Variants in PTS observed in about 807,000 individuals in gnomAD.
PTS encodes the protein 6-pyruvoyl tetrahydrobiopterin synthase.
A neutral mutation model predicts 20.6 loss-of-function variants in PTS; 23 were observed. The ratio of observed to expected loss-of-function variants is 1.12; its 90% CI spans 0.80 to 1.58. The LOEUF is 1.58. PTS is among the 40% of genes most tolerant of loss of function. PTS has a pLI of 0.00. For missense variants in PTS, 186 were observed against 182.4 expected (o/e 1.02, Z -0.11); for synonymous variants, 65 against 62.5 (o/e 1.04, Z -0.19).
At chr11:112,227,908 A>G (rs1259297930) in intron 1 of PTS, among the ~76,000 whole-genome samples, 3 of 152,236 alleles carry the variant, frequency 2.0e-5, no homozygotes, top group Non-Finnish European at 4.4e-5. Context: ...TTGTATAATA[A>G]GCTTAAACAC....
At position 112,230,618 on chromosome 11, in the gene PTS, T is replaced by C; in HGVS notation, c.187-8T>C. 12 of 1,603,498 alleles carry C rather than the reference T, an allele frequency of 7.5e-6. No individual in the cohort carries two copies. Among genetic ancestry groups the C allele is most frequent in the Non-Finnish European group, 9.4e-6 (11 of 1,170,324 alleles). ...TCACAGTAATATTCACCTTTGTTTA[T>C]TCTTTAGATTGACCCTGCTACGGGA... On this transcript the variant is annotated splice_polypyrimidine_tract_variant and splice_region_variant and intron_variant, in intron 3 of 5. Transcript: ENST00000280362.
At chr11:112,228,716 GAA>G (rs769124108) in intron 2 of PTS, 43 bp downstream of exon 2, 4 of 1,529,728 alleles carry the variant, frequency 2.6e-6, no homozygotes, top group Non-Finnish European at 3.6e-6. Flanking sequence ...CAATAAGGAT[GAA>G]AGAGTATTCA....
At chr11:112,232,798 T>A (rs958347207) in intron 4 of PTS, among the ~76,000 whole-genome samples, 9 of 152,196 alleles carry the variant, frequency 5.9e-5, no homozygotes, top group Non-Finnish European at 4.4e-5. Context: ...CATTGTTCCG[T>A]AGGTGTGACA....
In PTS at chr11:112,226,529, A is replaced by G; in HGVS notation, c.83+3A>G. ...AGCGCGAGCCACCGATTGTACAGGT[A>G]GGGTGTGCACACAGGTACAGCGGCG... is the stretch of plus-strand genomic sequence containing the variant. On this transcript the variant is annotated splice_donor_region_variant and intron_variant, in intron 1 of 5. Transcript: ENST00000280362. 2 of 1,580,982 alleles carry G rather than the reference A, an allele frequency of 1.3e-6. No individual in the cohort carries two copies. The highest frequency in any genetic ancestry group is 1.7e-6 in the Non-Finnish European group (2 of 1,165,732).
At chr11:112,227,855 C>G (rs971617947) in intron 1 of PTS, among the ~76,000 whole-genome samples, 1 of 97,242 alleles carries the variant, frequency 1.0e-5, no homozygotes, top group African/African-American at 3.0e-5. Flanking sequence ...AACATCCAAA[C>G]TACATTGGGG....
chr11:112,232,793 T>C (rs1407914950), intron 4 of PTS, among the ~76,000 whole-genome samples: 1 of 152,230 alleles, frequency 6.6e-6, no homozygotes, highest in Non-Finnish European at 1.5e-5. Flanking sequence ...TGTGGCATTG[T>C]TCCGTAGGTG....
At chr11:112,231,796 C>A (rs1434799544) in intron 4 of PTS, among the ~76,000 whole-genome samples, 1 of 133,788 alleles carries the variant, frequency 7.5e-6, no homozygotes, top group African/African-American at 2.8e-5. Context: ...GCACTATGCT[C>A]AAAATACTTT....
rs948341393 is a variant in PTS, at chr11:112,229,920, C to T, written c.164-288C>T. Among the ~76,000 whole-genome samples, 11 of 152,110 alleles carry T rather than the reference C, an allele frequency of 7.2e-5. 1 individual carries two copies. Among genetic ancestry groups the T allele is most frequent in the Admixed American group, 5.2e-4 (8 of 15,266 alleles). ...AGCAGCATCTTGATGCTCCCTAGTG[C>T]ATTAACATAAGCAGAATTTACACCC... On this transcript the variant is annotated intron_variant, in intron 2 of 5. Coordinates refer to ENST00000280362, the MANE Select transcript of PTS (RefSeq NM_000317.3).
intron 2 of PTS, 179 bp from the exon 3 acceptor site, chr11:112,230,028 TA>T (rs891207147): frequency 5.3e-3 from 3,098 of 583,856 alleles, no homozygotes; most frequent in Non-Finnish European, 6.3e-3. Flanking sequence ...CTTTGGTTGC[TA>T]AAAAAAAAAT....
chr11:112,231,712 C>T (rs986513313), intron 4 of PTS, among the ~76,000 whole-genome samples: 7 of 151,928 alleles, frequency 4.6e-5, no homozygotes, highest in African/African-American at 9.7e-5. Context: ...ATTACTTTTT[C>T]TAGGAGGTGA....
intron 1 of PTS, among the ~76,000 whole-genome samples, chr11:112,228,109 A>C (rs1319807179): frequency 6.6e-6 from 1 of 152,260 alleles, no homozygotes; most frequent in Admixed American, 6.5e-5. Flanking sequence ...GTATAAAGCA[A>C]GATTGCTAAA....
chr11:112,228,715 T>G, intron 2 of PTS, 42 bp downstream of exon 2: 1 of 1,529,594 alleles, frequency 6.5e-7, no homozygotes, highest in South Asian at 1.1e-5. Context: ...TCAATAAGGA[T>G]GAAAGAGTAT....
chr11:112,230,268 G>C (rs769489582), intron 3 of PTS, 38 bp downstream of exon 3: 1 of 1,601,656 alleles, frequency 6.2e-7, no homozygotes, highest in Non-Finnish European at 8.6e-7. Context: ...TTTGCAGATT[G>C]CTGGGCTCTC....
chr11:112,228,975 T>G, intron 2 of PTS: 1 of 327,100 alleles, frequency 3.1e-6, no homozygotes, highest in East Asian at 6.4e-5. Context: ...AGGCTAATGT[T>G]AAAATTAGAT....
intron 1 of PTS, chr11:112,228,282 A>T (rs1859890488): frequency 2.6e-6 from 1 of 381,506 alleles, no homozygotes; most frequent in East Asian, 5.3e-5. Flanking sequence ...CATTGTAGGC[A>T]CTCAGTAATG....
At position 112,233,613 on chromosome 11, in the gene PTS, G is replaced by T. The variant is rs1307423080; in HGVS notation, c.*58G>T. ...TCTTTCTGTGTTTGAAAAAGATTTT[G>T]ATCCCCTTGGAATATTAAGAGGTCA... On this transcript the variant is annotated 3_prime_UTR_variant, in exon 6 of 6. Coordinates refer to ENST00000280362, the MANE Select transcript of PTS (RefSeq NM_000317.3). 1 of 1,608,180 alleles carries T rather than the reference G, an allele frequency of 6.2e-7. No homozygotes were observed. The highest frequency in any genetic ancestry group is 1.3e-5 in the African/African-American group (1 of 74,974).
intron 3 of PTS, 150 bp from the exon 4 acceptor site, chr11:112,230,476 T>G: frequency 1.2e-6 from 1 of 825,828 alleles, no homozygotes; most frequent in East Asian, 2.5e-5. Flanking sequence ...ACATGGTGCT[T>G]CCATGCTGAG....
At chr11:112,228,353 G>T in intron 1 of PTS, 2 of 552,262 alleles carry the variant, frequency 3.6e-6, no homozygotes, top group Non-Finnish European at 6.4e-6. Flanking sequence ...GGGGGTTGAA[G>T]TTAAGGTTTG....
At position 112,233,048 on chromosome 11, in the gene PTS, C is replaced by T; in HGVS notation, c.244-115C>T. ...TTGTAAGACTCAAATCTAGTACTTA[C>T]AAATATTTAGTTAGTGGCTAAGTGA... On this transcript the variant is annotated intron_variant, in intron 4 of 5. Transcript: ENST00000280362. The T allele has an allele frequency of 5.8e-6, 6 of 1,039,518 alleles. No homozygotes were observed. In the South Asian group the frequency reaches 7.6e-5, roughly 13 times the overall value. The allele number at this position is 1,039,518 out of a possible 1,614,324, so 64.4% of individuals were successfully genotyped here.
Sources: gnomAD v4.1 joint callset for allele counts (sites outside exome capture counted in the v4.1 genomes callset) on GRCh38, gnomAD v4.1.1 for gene constraint, MANE v1.5 for transcripts, NCBI Gene and HGNC (gene_info 2026-07-23, HGNC 2026-07-21) for gene names.